Variants in CSE1L observed in about 807,000 individuals in gnomAD.
The protein encoded by CSE1L is exportin-2.
A neutral mutation model predicts 120.4 loss-of-function variants in CSE1L; 24 were observed. That is an observed-to-expected ratio of 0.20 (90% CI 0.14 to 0.28). CSE1L has a LOEUF of 0.28. CSE1L is among the 10% of genes least tolerant of loss of function. The pLI, the probability that CSE1L is intolerant of heterozygous loss-of-function variation, is 1.00. For synonymous variants in CSE1L, 402 were observed against 398.3 expected (o/e 1.01, Z -0.11); for missense variants, 830 against 1,145.2 (o/e 0.72, Z 3.97).
chr20:49,089,162 A>G (rs2145751734), intron 17 of CSE1L, 85 bp from the exon 18 acceptor site: 2 of 1,157,142 alleles, frequency 1.7e-6, no homozygotes, highest in Non-Finnish European at 2.3e-6. Flanking sequence ...TTTTTAAAAA[A>G]TAAGATGGCC....
At chr20:49,057,702 G>A (rs980514011) in intron 1 of CSE1L, among the ~76,000 whole-genome samples, 4 of 152,066 alleles carry the variant, frequency 2.6e-5, no homozygotes, top group African/African-American at 7.2e-5. Flanking sequence ...TGCGATCTCA[G>A]CTCACTGAAA....
intron 1 of CSE1L, among the ~76,000 whole-genome samples, chr20:49,056,140 G>A (rs1600587863): frequency 6.6e-6 from 1 of 150,500 alleles, no homozygotes; most frequent in South Asian, 2.1e-4. Flanking sequence ...ACAAAGTCTC[G>A]CTCTTTCTGA....
At chr20:49,060,283 AC>A (rs2091841715) in intron 2 of CSE1L, among the ~76,000 whole-genome samples, 1 of 151,580 alleles carries the variant, frequency 6.6e-6, no homozygotes, top group African/African-American at 2.4e-5. Context: ...AGAGATCTAG[AC>A]CATCCTGGCC....
Position 49,096,367 on chromosome 20 carries a change from A to G in CSE1L, c.2845A>G (p.Thr949Ala), listed in dbSNP as rs768529439. ...CTTGTAGGTTCCATCAATGGTGAGC[A>G]CCAGCCTGAATGCAGAAGCGCTCCA... is the stretch of plus-strand genomic sequence containing the variant. The part of the protein sequence containing the change: ...CPGRVPSMVS[T>A]SLNAEALQYL... The change falls in exon 25 of 25, where the codon ACC becomes GCC. Residue 949 changes from threonine to alanine, a missense_variant. Physicochemically the swap from Thr to Ala is moderately conservative, Grantham distance 58 (BLOSUM62 0). Transcript: ENST00000262982. 2.1e-5 allele frequency: 34 copies of G among 1,613,910 alleles called. No homozygotes were observed. The highest frequency in any genetic ancestry group is 2.7e-5 in the Non-Finnish European group (32 of 1,179,962).
intron 16 of CSE1L, among the ~76,000 whole-genome samples, chr20:49,087,355 T>TTC (rs1555825693): frequency 5.5e-5 from 8 of 145,514 alleles, no homozygotes; most frequent in African/African-American, 1.3e-4. Flanking sequence ...CTTTTTCTTT[T>TTC]TTTTTTTTTT....
At chr20:49,060,407 A>G (rs555018215) in intron 2 of CSE1L, among the ~76,000 whole-genome samples, 3 of 151,712 alleles carry the variant, frequency 2.0e-5, no homozygotes, top group Non-Finnish European at 4.4e-5. Context: ...GCTTGAATCC[A>G]GGAAGCGGAG....
intron 22 of CSE1L, among the ~76,000 whole-genome samples, chr20:49,092,746 A>T (rs544979207): frequency 1.3e-5 from 2 of 151,990 alleles, no homozygotes; most frequent in Non-Finnish European, 2.9e-5. Flanking sequence ...CAGTAAACCA[A>T]CTTGGCACAT....
At position 49,058,515 on chromosome 20, in the gene CSE1L, A is replaced by G. The variant is rs1231701910; in HGVS notation, c.52A>G (p.Thr18Ala). 6.2e-7 allele frequency: 1 copy of G among 1,613,858 alleles called. No individual in the cohort carries two copies. The highest frequency in any genetic ancestry group is 1.1e-5 in the South Asian group (1 of 91,052). ...LQTLTEYLKKTLDPDPAIRRP... is the reference protein window; with the variant it reads ...LQTLTEYLKKALDPDPAIRRP... ...AACACTAACAGAATATTTAAAGAAA[A>G]CACTTGATCCTGATCCTGCCATCCG... The change falls in exon 2 of 25, where the codon ACA (threonine) becomes GCA (alanine). Residue 18 changes from threonine to alanine, a missense_variant. Physicochemically the swap from Thr to Ala is moderately conservative, Grantham distance 58. Transcript: ENST00000262982.
In CSE1L at chr20:49,090,984, A is replaced by G; in HGVS notation, c.2327A>G (p.Gln776Arg). Residue 776 changes from glutamine (Q) to arginine (R), a missense_variant, in exon 21 of 25, where the codon CAG becomes CGG. This residue lies in a region of CSE1L where 7 missense variants were observed against 37.2 expected (regional missense o/e 0.19). Coordinates refer to ENST00000262982, the MANE Select transcript of CSE1L (RefSeq NM_001316.4). Reference protein sequence around the residue: ...YRKQIFILLFQRLQNSKTTKF... With the variant: ...YRKQIFILLFRRLQNSKTTKF... Reference sequence around the variant, plus strand: ...AAACAAATCTTCATTCTGCTATTCCAGAGACTTCAGAATTCCAAAACAACC... The same window carrying G: ...AAACAAATCTTCATTCTGCTATTCCGGAGACTTCAGAATTCCAAAACAACC... 6.2e-7 allele frequency: 1 copy of G among 1,611,156 alleles called. No individual in the cohort carries two copies. The highest frequency in any genetic ancestry group is 8.5e-7 in the Non-Finnish European group (1 of 1,177,694).
chr20:49,065,949 T>C (rs1389871716), intron 3 of CSE1L, among the ~76,000 whole-genome samples: 1 of 152,204 alleles, frequency 6.6e-6, no homozygotes. Context: ...CTAATTTGTA[T>C]GTAAAATATT....
At chr20:49,056,313 A>C (rs112356879) in intron 1 of CSE1L, among the ~76,000 whole-genome samples, 185 of 152,224 alleles carry the variant, frequency 1.2e-3, no homozygotes, top group Middle Eastern at 6.8e-3. Context: ...CATGCTGGCC[A>C]GGCTGGTCTC....
intron 1 of CSE1L, among the ~76,000 whole-genome samples, chr20:49,053,178 A>G (rs1164935574): frequency 1.4e-5 from 2 of 144,872 alleles, no homozygotes; most frequent in Non-Finnish European, 3.0e-5. Flanking sequence ...TTTTAAAGAC[A>G]AAATAGATCT....
Position 49,096,727 on chromosome 20 carries a change from A to C in CSE1L, c.*289A>C. 2.9e-6 allele frequency: 1 copy of C among 341,612 alleles called. No homozygotes were observed. Among genetic ancestry groups the C allele is most frequent in the Non-Finnish European group, 5.4e-6 (1 of 186,628 alleles). 21.2% of individuals were successfully genotyped at this position (341,612 alleles called of 1,614,324 possible). ...GCGTTTGCACGGTTTGGATAATCTT[A>C]AATTTTGACGGACACTGTGGAGACT... On this transcript the variant is annotated 3_prime_UTR_variant, in exon 25 of 25. Transcript: ENST00000262982.
intron 1 of CSE1L, among the ~76,000 whole-genome samples, chr20:49,050,857 C>T (rs1292097757): frequency 6.6e-6 from 1 of 152,196 alleles, no homozygotes; most frequent in East Asian, 1.9e-4. Context: ...CCACCTTGCT[C>T]AGCCTGTTGT....
At chr20:49,057,510 G>T (rs533129533) in intron 1 of CSE1L, among the ~76,000 whole-genome samples, 26 of 143,392 alleles carry the variant, frequency 1.8e-4, no homozygotes, top group African/African-American at 6.3e-4. Context: ...TTGGAGTGCA[G>T]TGGCACCATC....
intron 10 of CSE1L, among the ~76,000 whole-genome samples, chr20:49,073,686 A>G (rs984940261): frequency 5.9e-5 from 9 of 152,084 alleles, no homozygotes; most frequent in African/African-American, 7.2e-5. Flanking sequence ...GGGTCTTCCT[A>G]TGTTGCACAG....
chr20:49,047,569 T>TTTTTTTTTTTTTTTTC (rs2091727912), intron 1 of CSE1L, among the ~76,000 whole-genome samples: 1 of 47,772 alleles, frequency 2.1e-5, no homozygotes, highest in Non-Finnish European at 4.3e-5. Context: ...CTTTTCTTTT[T>TTTTTTTTTTTTTTTTC]TTTTTTTTTT....
chr20:49,072,728 TCTA>T (rs758161992), intron 10 of CSE1L, 31 bp downstream of exon 10: 8 of 1,559,870 alleles, frequency 5.1e-6, no homozygotes, highest in South Asian at 4.8e-5. Context: ...TTAGTATAAA[TCTA>T]CTAAGTCTGT....
intron 1 of CSE1L, among the ~76,000 whole-genome samples, chr20:49,056,234 T>TA (rs2091805820): frequency 6.6e-6 from 1 of 151,944 alleles, no homozygotes; most frequent in African/African-American, 2.4e-5. Flanking sequence ...GCCACCCAAG[T>TA]AACTGGGATT....
Sources: gnomAD v4.1 joint callset for allele counts (sites outside exome capture counted in the v4.1 genomes callset) on GRCh38, gnomAD v4.1.1 for gene constraint, gnomAD v4.1.1 regional missense constraint, MANE v1.5 for transcripts, NCBI Gene and HGNC (gene_info 2026-07-23, HGNC 2026-07-21) for gene names.